DSCAML1: variants seen among roughly 807,000 people sequenced by gnomAD.
The protein encoded by DSCAML1 is cell adhesion molecule DSCAML1.
Under a neutral mutation model 200.5 loss-of-function variants are expected in DSCAML1, and 38 were observed. The ratio of observed to expected loss-of-function variants is 0.19; its 90% CI spans 0.15 to 0.25. The LOEUF (loss-of-function observed/expected upper bound fraction) is 0.25, where lower values mean the gene tolerates loss of function less well. Among genes scored for constraint, DSCAML1 ranks in the 10% least tolerant of loss-of-function variants. The probability of loss-of-function intolerance (pLI) is 1.00; values close to 1 mark genes in which losing one functional copy is unlikely to be tolerated. For synonymous variants in DSCAML1, 1,215 were observed against 1,165.0 expected (o/e 1.04, Z -0.87); for missense variants, 2,223 against 2,858.8 (o/e 0.78, Z 5.07).
chr11:117,564,051 T>C (rs983153114), intron 3 of DSCAML1, among the ~76,000 whole-genome samples: 1 of 152,052 alleles, frequency 6.6e-6, no homozygotes, highest in Non-Finnish European at 1.5e-5. Flanking sequence ...ACTAGTGGAG[T>C]TCACCGAGGT....
chr11:117,799,724 AATGT>A (rs1274743011), upstream of DSCAML1, among the ~76,000 whole-genome samples: 2 of 152,340 alleles, frequency 1.3e-5, no homozygotes, highest in East Asian at 3.9e-4. Context: ...GTGCCTGGGA[AATGT>A]ATGTGTGCCA....
At chr11:117,536,496 A>G (rs1417885436) in intron 3 of DSCAML1, among the ~76,000 whole-genome samples, 1 of 152,234 alleles carries the variant, frequency 6.6e-6, no homozygotes. Context: ...TCCAGCACCA[A>G]TCCTGAAGCC....
Position 117,463,256 on chromosome 11 carries a change from G to A in DSCAML1, c.3266-1660C>T, listed in dbSNP as rs1430923529. Among the ~76,000 whole-genome samples the A allele has an allele frequency of 2.0e-5, 3 of 152,190 alleles. No homozygotes were observed. The highest frequency in any genetic ancestry group is 2.0e-4 in the Admixed American group (3 of 15,274). ...GTTCTAGATGGTTTAATCTCCTTGA[G>A]CCTTGGCCTCCCTTCATGGATAATT... On this transcript the variant is annotated intron_variant, in intron 17 of 32. Coordinates refer to ENST00000651296, the MANE Select transcript of DSCAML1 (RefSeq NM_020693.4). This position sits in a 1 kb window ranked among gnomAD's most constrained non-coding sequence, Gnocchi z 4.0.
chr11:117,568,471 A>T (rs1051620667), intron 3 of DSCAML1, among the ~76,000 whole-genome samples: 1 of 152,218 alleles, frequency 6.6e-6, no homozygotes, highest in African/African-American at 2.4e-5. Flanking sequence ...ATATCTAGAA[A>T]ACCTCACTGT....
chr11:117,610,306 A>C (rs1294106381), intron 3 of DSCAML1, among the ~76,000 whole-genome samples: 1 of 152,182 alleles, frequency 6.6e-6, no homozygotes, highest in East Asian at 1.9e-4. Flanking sequence ...TTCTGGTCAC[A>C]CATTCTTCCA....
rs74599215 is a variant in DSCAML1 at position 117,646,957 on chromosome 11, T to G, written c.512-114435A>C. ...CAGACTGATCGTGACGTGAGTTTGA[T>G]CTCAGTAAGCAGCCACTACTTAGCA... is the stretch of plus-strand genomic sequence containing the variant. On this transcript the variant is annotated intron_variant, in intron 3 of 32. Transcript: ENST00000651296. Among the ~76,000 whole-genome samples, 1,334 of 152,246 alleles carry G rather than the reference T, an allele frequency of 8.8e-3. 26 individuals are homozygous for G. The East Asian group carries it at 0.095, about 11-fold the overall frequency.
chr11:117,438,479 C>T (rs942073208), intron 24 of DSCAML1, among the ~76,000 whole-genome samples: 2 of 152,036 alleles, frequency 1.3e-5, no homozygotes, highest in African/African-American at 2.4e-5. Context: ...GCACCTGGGG[C>T]GTGTTAGAAA....
chr11:117,694,254 T>C (rs1026853220), intron 3 of DSCAML1, among the ~76,000 whole-genome samples: 1 of 151,494 alleles, frequency 6.6e-6, no homozygotes, highest in African/African-American at 2.4e-5. Context: ...AATACAAAAA[T>C]TAGCTGGGCG....
chr11:117,675,697 C>A (rs574828521), intron 3 of DSCAML1, among the ~76,000 whole-genome samples: 8 of 151,914 alleles, frequency 5.3e-5, no homozygotes, highest in African/African-American at 1.9e-4. Flanking sequence ...GCAGGTCCCC[C>A]CTTTCCCCCC....
intron 1 of DSCAML1, among the ~76,000 whole-genome samples, chr11:117,811,787 C>A (rs779157843): frequency 6.6e-6 from 1 of 152,204 alleles, no homozygotes; most frequent in Non-Finnish European, 1.5e-5. Context: ...TAGACCATCG[C>A]GGATGCCGAG....
chr11:117,792,768 C>T (rs1406244446), intron 1 of DSCAML1, among the ~76,000 whole-genome samples: 1 of 152,178 alleles, frequency 6.6e-6, no homozygotes, highest in Non-Finnish European at 1.5e-5. Flanking sequence ...TAGTTTGCCC[C>T]TCTCTTCACC....
Position 117,642,137 on chromosome 11 carries a change from T to C in DSCAML1, c.512-109615A>G, listed in dbSNP as rs2052422307. 6.6e-6 allele frequency among the ~76,000 whole-genome samples: 1 copy of C among 152,092 alleles called. No homozygotes were observed. Among genetic ancestry groups the C allele is most frequent in the Admixed American group, 6.5e-5 (1 of 15,270 alleles). The stretch of plus-strand genomic sequence containing the variant: ...CCCTCGAATTATTTCTGGTTTGTAA[T>C]CCCCAACCCCAACCACACTGGATCA... On this transcript the variant is annotated intron_variant, in intron 3 of 32. Coordinates refer to ENST00000651296, the MANE Select transcript of DSCAML1 (RefSeq NM_020693.4). This position sits in a 1 kb window ranked among gnomAD's most constrained non-coding sequence, Gnocchi z 4.1.
chr11:117,542,353 CA>C (rs200181397), intron 3 of DSCAML1, among the ~76,000 whole-genome samples: 4 of 150,680 alleles, frequency 2.7e-5, no homozygotes, highest in African/African-American at 7.4e-5. Flanking sequence ...ACAACAACAA[CA>C]AAAAAAAAAC....
intron 19 of DSCAML1, among the ~76,000 whole-genome samples, chr11:117,451,599 G>A (rs1033793106): frequency 3.3e-5 from 5 of 152,146 alleles, no homozygotes; most frequent in South Asian, 2.1e-4. Context: ...CAAGGCGGGC[G>A]GATCCCCCGA....
chr11:117,588,799 G>A (rs1310873670), intron 3 of DSCAML1, among the ~76,000 whole-genome samples: 3 of 152,152 alleles, frequency 2.0e-5, no homozygotes, highest in African/African-American at 7.2e-5. Flanking sequence ...GCCAGGGGCG[G>A]GTGTGGGGAT....
intron 1 of DSCAML1, among the ~76,000 whole-genome samples, chr11:117,789,174 A>G (rs185459534): frequency 2.0e-5 from 3 of 152,328 alleles, no homozygotes; most frequent in Non-Finnish European, 4.4e-5. Flanking sequence ...GTGACCAGCA[A>G]CCAGAAACCT....
intron 3 of DSCAML1, among the ~76,000 whole-genome samples, chr11:117,691,804 G>GC (rs765520191): frequency 5.3e-5 from 8 of 152,164 alleles, no homozygotes; most frequent in Non-Finnish European, 1.0e-4. Flanking sequence ...TCTCCCCAGG[G>GC]GGGTTTTGCT....
chr11:117,709,633 G>T (rs2053808021), intron 3 of DSCAML1: 1 of 452,742 alleles, frequency 2.2e-6, no homozygotes, highest in South Asian at 1.6e-5. Context: ...AGGTGCAGGA[G>T]AGGGTTACAG....
chr11:117,773,905 C>A (rs1049362601), intron 3 of DSCAML1, among the ~76,000 whole-genome samples: 2 of 152,126 alleles, frequency 1.3e-5, no homozygotes, highest in Non-Finnish European at 1.5e-5. Flanking sequence ...AGGGGTTCTG[C>A]AAAACCGAAG....
Sources: allele counts gnomAD v4.1 joint callset (sites outside exome capture counted in the v4.1 genomes callset), GRCh38; gene constraint gnomAD v4.1.1; non-coding constraint Gnocchi (gnomAD v3.1); transcripts MANE v1.5; gene names NCBI Gene and HGNC (gene_info 2026-07-23, HGNC 2026-07-21).